ROBO1: variants seen among roughly 807,000 people sequenced by gnomAD.
The protein encoded by ROBO1 is roundabout homolog 1.
ROBO1 carries 149 observed loss-of-function variants against 195.9 expected under a neutral mutation model. The observed-to-expected ratio is 0.76, with a 90% CI of 0.67 to 0.87. ROBO1 has a LOEUF of 0.87. ROBO1 is among the 40% of genes least tolerant of loss of function. ROBO1 has a pLI of 0.00. For missense variants in ROBO1, 1,933 were observed against 2,068.3 expected (o/e 0.93, Z 1.27); for synonymous variants, 816 against 733.2 (o/e 1.11, Z -1.82).
chr3:79,128,854 A>G (rs977351263), intron 2 of ROBO1, among the ~76,000 whole-genome samples: 1 of 152,034 alleles, frequency 6.6e-6, no homozygotes, highest in Non-Finnish European at 1.5e-5. Context: ...CTATCCATTG[A>G]CTCCAAGTCT....
chr3:79,022,792 A>C (rs1411701953), intron 3 of ROBO1, among the ~76,000 whole-genome samples: 1 of 152,226 alleles, frequency 6.6e-6, no homozygotes, highest in Non-Finnish European at 1.5e-5. Flanking sequence ...TATGAAATTC[A>C]GGATCCCCAA....
At chr3:78,661,309 T>G in intron 15 of ROBO1, 48 bp from the exon 16 acceptor site, 1 of 1,157,466 alleles carries the variant, frequency 8.6e-7, no homozygotes, top group Non-Finnish European at 1.2e-6. Flanking sequence ...ATTGTATTGG[T>G]TCATCAGAAA....
chr3:78,712,922 G>T (rs1265413456), intron 8 of ROBO1, among the ~76,000 whole-genome samples: 1 of 152,174 alleles, frequency 6.6e-6, no homozygotes, highest in Non-Finnish European at 1.5e-5. Context: ...ACATTTCACT[G>T]ACTAACGTAA....
intron 4 of ROBO1, among the ~76,000 whole-genome samples, chr3:78,771,616 T>C (rs889779498): frequency 1.3e-5 from 2 of 152,174 alleles, no homozygotes; most frequent in African/African-American, 4.8e-5. Flanking sequence ...TTCATCTCCT[T>C]GGTTAGCTGT....
intron 5 of ROBO1, among the ~76,000 whole-genome samples, chr3:78,723,048 A>G (rs1340483957): frequency 6.6e-6 from 1 of 152,172 alleles, no homozygotes; most frequent in Non-Finnish European, 1.5e-5. Flanking sequence ...CTTTTTATTA[A>G]TATTACAATT....
intron 2 of ROBO1, among the ~76,000 whole-genome samples, chr3:79,542,251 A>G (rs1465591897): frequency 1.3e-5 from 2 of 152,060 alleles, no homozygotes; most frequent in African/African-American, 4.8e-5. Context: ...ATGAATCTGT[A>G]CCATTATATT....
chr3:79,521,243 G>C (rs1227169128), intron 2 of ROBO1, among the ~76,000 whole-genome samples: 5 of 152,054 alleles, frequency 3.3e-5, no homozygotes, highest in African/African-American at 4.8e-5. Flanking sequence ...CTGAAGTCAA[G>C]CAATTCAAAG....
At chr3:79,615,600 G>A (rs552808349) in intron 1 of ROBO1, among the ~76,000 whole-genome samples, 2 of 152,056 alleles carry the variant, frequency 1.3e-5, no homozygotes. Flanking sequence ...AATCAAAATA[G>A]CTATGAAAAA....
intron 3 of ROBO1, chr3:79,019,195 T>G: frequency 1.0e-6 from 1 of 986,512 alleles, no homozygotes; most frequent in Non-Finnish European, 1.2e-6. Context: ...GCGCCCAACA[T>G]CGCCCTCGGC....
At chr3:79,424,337 C>T (rs2038352024) in intron 2 of ROBO1, among the ~76,000 whole-genome samples, 1 of 152,096 alleles carries the variant, frequency 6.6e-6, no homozygotes, top group Admixed American at 6.6e-5. Context: ...GACTGTTTCA[C>T]ACTGAATATG....
chr3:78,708,018 G>A (rs2081594550), intron 8 of ROBO1, among the ~76,000 whole-genome samples: 1 of 152,144 alleles, frequency 6.6e-6, no homozygotes, highest in African/African-American at 2.4e-5. Flanking sequence ...ACACAGCGAT[G>A]GGAACATGAT....
intron 3 of ROBO1, among the ~76,000 whole-genome samples, chr3:78,952,625 A>T (rs1450041276): frequency 6.6e-6 from 1 of 151,930 alleles, no homozygotes; most frequent in African/African-American, 2.4e-5. Flanking sequence ...AATATCCTCT[A>T]TTAAGTTACA....
intron 28 of ROBO1, among the ~76,000 whole-genome samples, chr3:78,609,033 A>G (rs1324044736): frequency 3.9e-5 from 6 of 152,190 alleles, no homozygotes; most frequent in African/African-American, 1.4e-4. Flanking sequence ...CCAGAGATAC[A>G]GGGATTTTGG....
intron 2 of ROBO1, among the ~76,000 whole-genome samples, chr3:79,497,211 T>G (rs1288218432): frequency 6.6e-6 from 1 of 152,190 alleles, no homozygotes; most frequent in Non-Finnish European, 1.5e-5. Context: ...CTGATACACA[T>G]TATTTAACCA....
At chr3:79,549,442 C>A (rs950497450) in intron 2 of ROBO1, among the ~76,000 whole-genome samples, 1 of 152,048 alleles carries the variant, frequency 6.6e-6, no homozygotes, top group East Asian at 1.9e-4. Flanking sequence ...GTCGGCCCTC[C>A]GTATCTATGA....
chr3:79,400,460 C>T (rs1379851396), intron 2 of ROBO1, among the ~76,000 whole-genome samples: 1 of 152,040 alleles, frequency 6.6e-6, no homozygotes, highest in African/African-American at 2.4e-5. Flanking sequence ...TTACATTTCC[C>T]CCCATCACGC....
chr3:78,973,539 A>G (rs2076817724), intron 3 of ROBO1, among the ~76,000 whole-genome samples: 1 of 143,664 alleles, frequency 7.0e-6, no homozygotes, highest in Non-Finnish European at 1.5e-5. Context: ...TATAATATAT[A>G]TAAGAATATA....
chr3:79,277,117 G>A (rs979061503), intron 2 of ROBO1, among the ~76,000 whole-genome samples: 4 of 151,934 alleles, frequency 2.6e-5, no homozygotes, highest in Admixed American at 2.0e-4. Context: ...TCACTGGTAG[G>A]TGTATACCCA....
chr3:79,577,367 A>T (rs775297641), intron 2 of ROBO1, among the ~76,000 whole-genome samples: 9 of 152,168 alleles, frequency 5.9e-5, no homozygotes, highest in Non-Finnish European at 1.2e-4. Context: ...ATTCTTGGGA[A>T]TAAATCTAAG....
Sources: allele counts gnomAD v4.1 joint callset (sites outside exome capture counted in the v4.1 genomes callset), GRCh38; gene constraint gnomAD v4.1.1; transcripts MANE v1.5; gene names NCBI Gene and HGNC (gene_info 2026-07-23, HGNC 2026-07-21).